The following CDH2 variants were observed in gnomAD, a reference collection of about 807,000 sequenced individuals.
CDH2 encodes cadherin 2.
CDH2 carries 17 observed loss-of-function variants against 92.0 expected under a neutral mutation model. The observed-to-expected ratio is 0.18, with a 90% CI of 0.13 to 0.28. The LOEUF is 0.28. CDH2 is among the 10% of genes least tolerant of loss of function. The pLI is 1.00. For missense variants in CDH2, 862 were observed against 1,133.1 expected (o/e 0.76, Z 3.44); for synonymous variants, 419 against 415.9 (o/e 1.01, Z -0.09).
intron 2 of CDH2, among the ~76,000 whole-genome samples, chr18:28,061,663 A>G (rs1230997378): frequency 6.6e-6 from 1 of 152,188 alleles, no homozygotes; most frequent in Non-Finnish European, 1.5e-5. Context: ...CTGTTCTCAC[A>G]CTGCTAATAA....
At chr18:28,164,279 T>C (rs921220189) in intron 1 of CDH2, among the ~76,000 whole-genome samples, 1 of 152,208 alleles carries the variant, frequency 6.6e-6, no homozygotes, top group African/African-American at 2.4e-5. Flanking sequence ...AATAACCTTG[T>C]GCAGCTCAGA....
chr18:27,960,182 T>C (rs1773636359), intron 15 of CDH2, among the ~76,000 whole-genome samples: 1 of 152,074 alleles, frequency 6.6e-6, no homozygotes, highest in African/African-American at 2.4e-5. Context: ...TCCCCTCCCC[T>C]GGAACATGGA....
At chr18:27,998,913 G>C (rs1418438093) in intron 7 of CDH2, among the ~76,000 whole-genome samples, 1 of 152,168 alleles carries the variant, frequency 6.6e-6, no homozygotes, top group Non-Finnish European at 1.5e-5. Flanking sequence ...GTGGAACTCA[G>C]GTAAAGTATA....
At chr18:28,043,415 A>G (rs1307127569) in intron 2 of CDH2, among the ~76,000 whole-genome samples, 1 of 146,196 alleles carries the variant, frequency 6.8e-6, no homozygotes, top group African/African-American at 2.5e-5. Context: ...GAACTTATCC[A>G]TATAACCAAA....
rs572885264 is a variant in CDH2, at chr18:28,155,955, C to T, written c.61-8171G>A. On this transcript the variant is annotated intron_variant, in intron 1 of 15. Coordinates refer to ENST00000269141, the MANE Select transcript of CDH2 (RefSeq NM_001792.5). ...CACATCCCTGCAAAAATGCTTAAAA[C>T]GTGCAGAAGTTTAACCCTGAACAGC... Among the ~76,000 whole-genome samples the T allele has an allele frequency of 7.2e-5, 11 of 152,244 alleles. No individual in the cohort carries two copies. In the East Asian group the frequency reaches 1.2e-3, roughly 16 times the overall value.
rs1188006306 is a variant in CDH2, at chr18:28,162,952, C to T, written c.60+14011G>A. On this transcript the variant is annotated intron_variant, in intron 1 of 15. Transcript: ENST00000269141. Reference sequence around the variant, plus strand: ...CTCAGTAAATATTAATCCCCTGTGTCGGCTATCTAGAAGGTTCTCAGTGCT... The same window carrying T: ...CTCAGTAAATATTAATCCCCTGTGTTGGCTATCTAGAAGGTTCTCAGTGCT... Among the ~76,000 whole-genome samples the T allele has an allele frequency of 4.6e-5, 7 of 152,272 alleles. No individual in the cohort carries two copies. In the East Asian group the frequency reaches 9.7e-4, roughly 21 times the overall value.
intron 6 of CDH2, among the ~76,000 whole-genome samples, 163 bp from the exon 7 acceptor site, chr18:28,003,332 T>G (rs2012825005): frequency 6.6e-6 from 1 of 152,198 alleles, no homozygotes; most frequent in Admixed American, 6.5e-5. Context: ...AGAACAGTAC[T>G]TATTTCAAAA....
chr18:28,061,614 A>C (rs897041073), intron 2 of CDH2, among the ~76,000 whole-genome samples: 1 of 152,104 alleles, frequency 6.6e-6, no homozygotes, highest in Middle Eastern at 3.2e-3. Flanking sequence ...GTCTCAAAAA[A>C]CCCAAAAGCA....
At chr18:28,076,106 A>C (rs1179196899) in intron 2 of CDH2, among the ~76,000 whole-genome samples, 2 of 152,202 alleles carry the variant, frequency 1.3e-5, no homozygotes, top group African/African-American at 4.8e-5. Context: ...ATAGACTCAC[A>C]AAAATCCAGC....
intron 2 of CDH2, among the ~76,000 whole-genome samples, chr18:28,037,138 C>T (rs1332496724): frequency 1.3e-5 from 2 of 151,828 alleles, no homozygotes; most frequent in Admixed American, 6.6e-5. Context: ...GGTATGAATC[C>T]AAGATTAAAT....
chr18:28,013,677 C>T lies in CDH2; in HGVS notation c.399+6G>A. The T allele has an allele frequency of 6.2e-7, 1 of 1,603,798 alleles. No homozygotes were observed. The highest frequency in any genetic ancestry group is 8.5e-7 in the Non-Finnish European group (1 of 1,170,600). On this transcript the variant is annotated splice_donor_region_variant and intron_variant, in intron 3 of 15. Coordinates refer to ENST00000269141, the MANE Select transcript of CDH2 (RefSeq NM_001792.5). Reference sequence around the variant, plus strand: ...CCAGCCCTAAAGCCATATTCGGATACTATACCTTCACTGACTCCTCAGTTA... The same window carrying T: ...CCAGCCCTAAAGCCATATTCGGATATTATACCTTCACTGACTCCTCAGTTA...
At chr18:28,004,610 A>C (rs953881769) in intron 6 of CDH2, among the ~76,000 whole-genome samples, 1 of 152,218 alleles carries the variant, frequency 6.6e-6, no homozygotes, top group African/African-American at 2.4e-5. Context: ...GAAATAATAG[A>C]GAAAAAAAAG....
chr18:28,062,707 C>T (rs2014426256), intron 2 of CDH2, among the ~76,000 whole-genome samples: 1 of 152,204 alleles, frequency 6.6e-6, no homozygotes, highest in African/African-American at 2.4e-5. Context: ...GGCGTGGTGG[C>T]TCATGCCTGT....
chr18:28,155,891 C>T (rs967119642), intron 1 of CDH2, among the ~76,000 whole-genome samples: 2 of 152,200 alleles, frequency 1.3e-5, no homozygotes, highest in Non-Finnish European at 2.9e-5. Flanking sequence ...TCAAGATTTT[C>T]TCTGTGTCAG....
At chr18:27,956,528 G>A (rs1192248104) in intron 15 of CDH2, among the ~76,000 whole-genome samples, 1 of 152,144 alleles carries the variant, frequency 6.6e-6, no homozygotes, top group Non-Finnish European at 1.5e-5. Context: ...GTCTTCTACA[G>A]TCCTAGTGCC....
chr18:28,030,947 A>C (rs1472810221), intron 2 of CDH2, among the ~76,000 whole-genome samples: 1 of 151,922 alleles, frequency 6.6e-6, no homozygotes, highest in Non-Finnish European at 1.5e-5. Context: ...TCAGTGCCTT[A>C]AGGCTTAGCT....
chr18:28,005,802 A>G (rs774142341), intron 6 of CDH2, 47 bp downstream of exon 6: 1 of 1,479,908 alleles, frequency 6.8e-7, no homozygotes, highest in African/African-American at 1.4e-5. Flanking sequence ...GGCTGGTTAC[A>G]CCATACTTTC....
chr18:28,002,911 T>A, intron 7 of CDH2, 86 bp downstream of exon 7: 1 of 1,138,366 alleles, frequency 8.8e-7, no homozygotes, highest in East Asian at 2.4e-5. Context: ...GAGTATATTG[T>A]GATGTGGAGA....
At chr18:28,038,331 GA>G (rs1452408953) in intron 2 of CDH2, among the ~76,000 whole-genome samples, 1 of 152,062 alleles carries the variant, frequency 6.6e-6, no homozygotes, top group East Asian at 1.9e-4. Flanking sequence ...GCTGAAGTGG[GA>G]GGATTCCTTT....
Sources: allele counts gnomAD v4.1 joint callset (sites outside exome capture counted in the v4.1 genomes callset), GRCh38; gene constraint gnomAD v4.1.1; transcripts MANE v1.5; gene names NCBI Gene and HGNC (gene_info 2026-07-23, HGNC 2026-07-21).